The following LPP variants were observed in gnomAD, a reference collection of about 807,000 sequenced individuals.
LPP encodes the protein lipoma-preferred partner.
Under a neutral mutation model 60.4 loss-of-function variants are expected in LPP, and 38 were observed. The observed-to-expected ratio is 0.63, with a 90% CI of 0.49 to 0.83. The LOEUF (loss-of-function observed/expected upper bound fraction) is 0.83, where lower values mean the gene tolerates loss of function less well. LPP is among the 40% of genes least tolerant of loss of function. LPP has a pLI of 0.00. For missense variants in LPP, 902 were observed against 783.6 expected (o/e 1.15, Z -1.80); for synonymous variants, 328 against 290.8 (o/e 1.13, Z -1.30).
chr3:188,640,187 C>T (rs1345834954), intron 7 of LPP, among the ~76,000 whole-genome samples: 1 of 150,356 alleles, frequency 6.7e-6, no homozygotes, highest in East Asian at 2.0e-4. Flanking sequence ...ACTATGCAGC[C>T]ATAAAAAATG....
chr3:188,196,965 T>G (rs923198440), intron 1 of LPP, among the ~76,000 whole-genome samples: 1 of 152,214 alleles, frequency 6.6e-6, no homozygotes, highest in Non-Finnish European at 1.5e-5. Context: ...TGTCTCTGCT[T>G]CCTCCATTTT....
intron 10 of LPP, among the ~76,000 whole-genome samples, chr3:188,870,690 C>G (rs1767875012): frequency 6.6e-6 from 1 of 152,198 alleles, no homozygotes; most frequent in African/African-American, 2.4e-5. Flanking sequence ...CGATTATTGT[C>G]CACTCAGTGA....
rs1467555500 is a variant in LPP at position 188,524,689 on chromosome 3, G to T, written c.331G>T (p.Glu111Ter). The change falls in exon 6 of 12, where the codon GAG (glutamate) becomes TAG (stop). Residue 111 changes from glutamate (E) to a stop codon, truncating the protein, a stop_gained. Coordinates refer to ENST00000617246, the MANE Select transcript of LPP (RefSeq NM_001375462.1). LOFTEE classifies it high-confidence loss of function. ...GGGGAATCCCGGAGGCAAGACACTTGAGGAGAGGCGCTCCAGCCTGGACGC... is the reference window on the plus strand; with the variant it reads ...GGGGAATCCCGGAGGCAAGACACTTTAGGAGAGGCGCTCCAGCCTGGACGC... Reference protein sequence around the residue: ...VQGNPGGKTLEERRSSLDAEI... With the variant: ...VQGNPGGKTL 1 of 1,613,908 alleles carries T rather than the reference G, an allele frequency of 6.2e-7. No individual in the cohort carries two copies. The highest frequency in any genetic ancestry group is 1.7e-5 in the Admixed American group (1 of 59,978).
At chr3:188,179,331 G>A (rs1156534385) in intron 1 of LPP, 2 of 458,162 alleles carry the variant, frequency 4.4e-6, no homozygotes, top group Non-Finnish European at 8.8e-6. Flanking sequence ...CTTCATCACA[G>A]CTCTGCGGCC....
chr3:188,466,834 T>TATATATATATATATATATATAG (rs1553906195), intron 4 of LPP, among the ~76,000 whole-genome samples: 1 of 126,154 alleles, frequency 7.9e-6, no homozygotes, highest in African/African-American at 3.0e-5. Flanking sequence ...TATATATATA[T>TATATATATATATATATATATAG]ATATATATGC....
intron 9 of LPP, among the ~76,000 whole-genome samples, chr3:188,848,739 G>A (rs144544168): frequency 0.011 from 1,663 of 152,254 alleles, 17 homozygotes; most frequent in Non-Finnish European, 0.017. Context: ...AGGCCGAGGC[G>A]GATGGATCAC....
chr3:188,798,174 C>G (rs73058781), intron 9 of LPP, among the ~76,000 whole-genome samples: 1 of 152,256 alleles, frequency 6.6e-6, no homozygotes, highest in South Asian at 2.1e-4. Context: ...TGAATACTTA[C>G]AGTAGTGCAT....
At chr3:188,852,575 A>G (rs1214084907) in intron 9 of LPP, among the ~76,000 whole-genome samples, 1 of 152,184 alleles carries the variant, frequency 6.6e-6, no homozygotes, top group Non-Finnish European at 1.5e-5. Context: ...GATGTTATAA[A>G]GTGAGTTTGA....
intron 2 of LPP, among the ~76,000 whole-genome samples, chr3:188,255,076 T>C (rs1386280868): frequency 6.6e-6 from 1 of 152,214 alleles, no homozygotes; most frequent in Non-Finnish European, 1.5e-5. Flanking sequence ...GGAAAGCATC[T>C]TGGTTGCTTC....
rs1279047926 is a variant in LPP, at chr3:188,374,679, C to G, written c.-9-31433C>G. Reference sequence around the variant, plus strand: ...AGGGCCAATTTGACTTCCTTTTTTCCTAATTTAATACCCTTTATTTCCTTC... The same window carrying G: ...AGGGCCAATTTGACTTCCTTTTTTCGTAATTTAATACCCTTTATTTCCTTC... On this transcript the variant is annotated intron_variant, in intron 3 of 11. Transcript: ENST00000617246. Among the ~76,000 whole-genome samples the G allele has an allele frequency of 2.0e-5, 3 of 152,066 alleles. No individual in the cohort carries two copies. The South Asian group carries it at 6.2e-4, about 32-fold the overall frequency.
intron 6 of LPP, among the ~76,000 whole-genome samples, chr3:188,597,630 A>T (rs939034382): frequency 3.9e-5 from 6 of 152,090 alleles, no homozygotes; most frequent in African/African-American, 1.4e-4. Context: ...GAACTACAGA[A>T]CCCTCTATCA....
chr3:188,726,894 G>C (rs554436267), intron 8 of LPP, among the ~76,000 whole-genome samples: 1 of 152,276 alleles, frequency 6.6e-6, no homozygotes, highest in African/African-American at 2.4e-5. Context: ...AAAAAAGGGA[G>C]CTTTCTCAGA....
chr3:188,690,330 G>A (rs985996191), intron 7 of LPP, among the ~76,000 whole-genome samples: 1 of 152,138 alleles, frequency 6.6e-6, no homozygotes, highest in Admixed American at 6.5e-5. Flanking sequence ...TTGGAGGTTA[G>A]AGCTTGATAA....
At chr3:188,614,221 T>C (rs1468211111) in intron 7 of LPP, among the ~76,000 whole-genome samples, 1 of 151,878 alleles carries the variant, frequency 6.6e-6, no homozygotes, top group Non-Finnish European at 1.5e-5. Context: ...GATCCCACCA[T>C]GCCCAGCCTG....
chr3:188,299,766 T>C (rs1370435691), intron 2 of LPP, among the ~76,000 whole-genome samples: 2 of 152,126 alleles, frequency 1.3e-5, no homozygotes, highest in African/African-American at 4.8e-5. Context: ...CAAAACTCCT[T>C]TCTTGAGAAA....
At chr3:188,502,225 A>G (rs182042450) in intron 5 of LPP, among the ~76,000 whole-genome samples, 5 of 152,284 alleles carry the variant, frequency 3.3e-5, no homozygotes, top group Admixed American at 2.6e-4. Context: ...AATCTCTATT[A>G]TTATACAACT....
intron 1 of LPP, among the ~76,000 whole-genome samples, chr3:188,191,988 G>T (rs1728307469): frequency 6.6e-6 from 1 of 152,074 alleles, no homozygotes; most frequent in Non-Finnish European, 1.5e-5. Flanking sequence ...GGGGGGATTG[G>T]GAAAATTGGG....
At chr3:188,322,873 A>G (rs913616990) in intron 2 of LPP, among the ~76,000 whole-genome samples, 2 of 152,230 alleles carry the variant, frequency 1.3e-5, no homozygotes, top group Non-Finnish European at 2.9e-5. Context: ...TCAGGACCCA[A>G]TACTTAGTCT....
intron 6 of LPP, among the ~76,000 whole-genome samples, chr3:188,546,507 C>T (rs1435623080): frequency 6.6e-6 from 1 of 152,074 alleles, no homozygotes; most frequent in African/African-American, 2.4e-5. Flanking sequence ...AGAAAAGAAG[C>T]AACGTAACAT....
Sources: allele counts gnomAD v4.1 joint callset (sites outside exome capture counted in the v4.1 genomes callset), GRCh38; gene constraint gnomAD v4.1.1; transcripts MANE v1.5; gene names NCBI Gene and HGNC (gene_info 2026-07-23, HGNC 2026-07-21).